Variants in TTC39B observed in about 807,000 individuals in gnomAD.
The protein encoded by TTC39B is tetratricopeptide repeat protein 39B.
Under a neutral mutation model 96.6 loss-of-function variants are expected in TTC39B, and 92 were observed. That is an observed-to-expected ratio of 0.95 (90% CI 0.80 to 1.13). The LOEUF (loss-of-function observed/expected upper bound fraction) is 1.13, where lower values mean the gene tolerates loss of function less well. TTC39B is among the 50% of genes most tolerant of loss of function. The probability of loss-of-function intolerance (pLI) is 0.00; values close to 1 mark genes in which losing one functional copy is unlikely to be tolerated. For synonymous variants in TTC39B, 367 were observed against 299.4 expected (o/e 1.23, Z -2.33); for missense variants, 955 against 809.3 (o/e 1.18, Z -2.18).
chr9:15,284,340 A>T (rs1031594365), intron 1 of TTC39B, among the ~76,000 whole-genome samples: 2 of 152,248 alleles, frequency 1.3e-5, no homozygotes, highest in Non-Finnish European at 2.9e-5. Flanking sequence ...CTATTAAAAA[A>T]TTTAAACACA....
chr9:15,194,979 G>A (rs1407069343), intron 8 of TTC39B, among the ~76,000 whole-genome samples: 2 of 152,138 alleles, frequency 1.3e-5, no homozygotes, highest in East Asian at 3.9e-4. Context: ...AGGAAGATTC[G>A]CACCTCTCAT....
intron 1 of TTC39B, among the ~76,000 whole-genome samples, chr9:15,270,726 C>T (rs1403420547): frequency 1.4e-5 from 2 of 147,556 alleles, no homozygotes; most frequent in African/African-American, 5.1e-5. Context: ...TATAGTAAGA[C>T]CCTGTATCTA....
Position 15,266,881 on chromosome 9 carries a change from C to T in TTC39B, c.275+1033G>A, listed in dbSNP as rs1438282891. 4.6e-5 allele frequency among the ~76,000 whole-genome samples: 7 copies of T among 152,190 alleles called. No homozygotes were observed. In the East Asian group the frequency reaches 1.4e-3, roughly 29 times the overall value. ...GATCACGAGGTCAGGAGATGGAGAC[C>T]ATCCTGGCTAACATGGTGAAACCCC... On this transcript the variant is annotated intron_variant, in intron 2 of 19. Coordinates refer to ENST00000512701, the Ensembl canonical transcript of TTC39B.
chr9:15,185,401 A>C, exon 16 of TTC39B: 4 of 1,613,694 alleles, frequency 2.5e-6, no homozygotes, highest in Non-Finnish European at 3.4e-6. Flanking sequence ...CAAGCTGTCC[A>C]CCTGTCTGTG....
intron 17 of TTC39B, among the ~76,000 whole-genome samples, chr9:15,181,965 A>G (rs1818271290): frequency 6.6e-6 from 1 of 151,950 alleles, no homozygotes; most frequent in Admixed American, 6.6e-5. Flanking sequence ...AGCTATCATA[A>G]CTCCTAACTT....
chr9:15,182,268 A>G, intron 17 of TTC39B, 39 bp downstream of exon 17: 2 of 1,324,458 alleles, frequency 1.5e-6, no homozygotes, highest in Non-Finnish European at 2.1e-6. Context: ...GTCATGGAGC[A>G]GAGACAAAGG....
intron 13 of TTC39B, among the ~76,000 whole-genome samples, chr9:15,188,625 T>G (rs1360033020): frequency 1.3e-5 from 2 of 152,138 alleles, no homozygotes; most frequent in African/African-American, 4.8e-5. Flanking sequence ...AGATGACAGA[T>G]ATACATGTGG....
chr9:15,285,165 G>A (rs12348497), intron 1 of TTC39B, among the ~76,000 whole-genome samples: 1,674 of 151,822 alleles, frequency 0.011, 33 homozygotes, highest in African/African-American at 0.038. Flanking sequence ...CTCGGGGCGG[G>A]GGCTGAGGCA....
At chr9:15,205,814 G>A (rs1272419542) in intron 6 of TTC39B, among the ~76,000 whole-genome samples, 1 of 152,140 alleles carries the variant, frequency 6.6e-6, no homozygotes, top group Non-Finnish European at 1.5e-5. Flanking sequence ...CCGTGGTGGT[G>A]ATGGCAGCGG....
chr9:15,187,109 A>T, intron 14 of TTC39B, 74 bp from the exon 15 acceptor site: 1 of 1,060,268 alleles, frequency 9.4e-7, no homozygotes, highest in Non-Finnish European at 1.4e-6. Flanking sequence ...ATCAGGAATG[A>T]CCAACAAGTC....
At chr9:15,291,030 G>A (rs1019106211) in intron 1 of TTC39B, among the ~76,000 whole-genome samples, 2 of 152,206 alleles carry the variant, frequency 1.3e-5, no homozygotes, top group Non-Finnish European at 2.9e-5. Flanking sequence ...ATGGATTACC[G>A]AGGTAAAGTC....
chr9:15,289,680 T>C lies in TTC39B; in HGVS notation c.240+17404A>G, dbSNP rs571437643. Among the ~76,000 whole-genome samples the C allele has an allele frequency of 5.9e-5, 9 of 152,342 alleles. No homozygotes were observed. In the South Asian group the frequency reaches 1.7e-3, roughly 28 times the overall value. On this transcript the variant is annotated intron_variant, in intron 1 of 19. Transcript: ENST00000512701. ...TATGCCGGGAAAGAGGCTGATTTTT[T>C]TTTATTCTTTGTCCTACTTGAGACT... is the stretch of plus-strand genomic sequence containing the variant.
intron 1 of TTC39B, among the ~76,000 whole-genome samples, chr9:15,285,674 G>T (rs1587009170): frequency 6.6e-6 from 1 of 152,112 alleles, no homozygotes; most frequent in African/African-American, 2.4e-5. Context: ...CTAACACGAT[G>T]AAACCCCGTC....
intron 1 of TTC39B, among the ~76,000 whole-genome samples, chr9:15,303,136 C>A (rs562641960): frequency 1.2e-4 from 18 of 152,136 alleles, no homozygotes; most frequent in African/African-American, 4.3e-4. Flanking sequence ...CCACTGCACT[C>A]CAGCCTGGGC....
rs145448653 is a variant in TTC39B at position 15,247,463 on chromosome 9, A to G, written c.275+20451T>C. ...AATTTTCAAATTTGCAAGAATTCCA[A>G]CTCATTACAGGAGACAAGTCCTGTG... On this transcript the variant is annotated intron_variant, in intron 2 of 19. Transcript: ENST00000512701. 3.9e-3 allele frequency among the ~76,000 whole-genome samples: 601 copies of G among 152,274 alleles called. 4 individuals are homozygous for G. The highest frequency in any genetic ancestry group is 0.014 in the African/African-American group (572 of 41,560).
chr9:15,287,130 G>A (rs1260945348), intron 1 of TTC39B, among the ~76,000 whole-genome samples: 2 of 152,204 alleles, frequency 1.3e-5, no homozygotes, highest in Non-Finnish European at 2.9e-5. Flanking sequence ...ATTCTCTAAA[G>A]CTGAGTTTCA....
intron 1 of TTC39B, among the ~76,000 whole-genome samples, chr9:15,301,451 G>A (rs959020848): frequency 2.0e-5 from 3 of 152,190 alleles, no homozygotes; most frequent in African/African-American, 7.2e-5. Flanking sequence ...ATGAACGTTG[G>A]TGGAATGAAA....
chr9:15,276,251 A>T (rs529876357), intron 1 of TTC39B, among the ~76,000 whole-genome samples: 43 of 152,338 alleles, frequency 2.8e-4, no homozygotes, highest in Non-Finnish European at 5.1e-4. Context: ...CAACTTCAGC[A>T]TGGGAGGGCC....
At chr9:15,241,601 G>A (rs1822043025) in intron 2 of TTC39B, among the ~76,000 whole-genome samples, 1 of 151,970 alleles carries the variant, frequency 6.6e-6, no homozygotes, top group South Asian at 2.1e-4. Flanking sequence ...TAAAAACATT[G>A]TAAAAAGTTG....
Sources: gnomAD v4.1 joint callset for allele counts (sites outside exome capture counted in the v4.1 genomes callset) on GRCh38, gnomAD v4.1.1 for gene constraint, MANE v1.5 for transcripts, NCBI Gene and HGNC (gene_info 2026-07-23, HGNC 2026-07-21) for gene names.